Variants in CPAP observed in about 807,000 individuals in gnomAD.
The protein encoded by CPAP is centrosomal P4.1-associated protein.
chr13:24,894,906 A>T, the CPAP span, among the ~76,000 whole-genome samples: 2 of 152,084 alleles, frequency 1.3e-5, no homozygotes, highest in Non-Finnish European at 2.9e-5. Flanking sequence ...GACAGACGGG[A>T]GAGGAGCCGG....
the CPAP span, among the ~76,000 whole-genome samples, chr13:24,890,656 G>C: frequency 6.6e-6 from 1 of 152,176 alleles, no homozygotes; most frequent in Non-Finnish European, 1.5e-5. Flanking sequence ...GTTGGCCCAG[G>C]TACAGCCACG....
chr13:24,883,402 A>C, the CPAP span: 1 of 1,482,046 alleles, frequency 6.7e-7, no homozygotes, highest in Non-Finnish European at 9.2e-7. Context: ...GATTTCTTAA[A>C]AAAAAAATAA....
At chr13:24,885,519 G>A in the CPAP span, 96,865 of 1,214,488 alleles carry the variant, frequency 0.08, 4,957 homozygotes, top group East Asian at 0.2. Flanking sequence ...TTTTTTACAC[G>A]TGGTTTAGAA....
the CPAP span, chr13:24,882,976 A>AGAC: frequency 1.7e-6 from 1 of 587,852 alleles, no homozygotes; most frequent in South Asian, 2.0e-5. Context: ...GTCTATTGAA[A>AGAC]GACAGGGTAG....
At chr13:24,932,924 C>T in the CPAP span, 2 of 837,864 alleles carry the variant, frequency 2.4e-6, no homozygotes, top group South Asian at 1.6e-5. Context: ...CTAATTTTTC[C>T]AGTTTGTATG....
chr13:24,932,063 TC>T, the CPAP span, among the ~76,000 whole-genome samples: 420 of 152,308 alleles, frequency 2.8e-3, 2 homozygotes, highest in African/African-American at 9.7e-3. Flanking sequence ...CGCTGCGCTC[TC>T]CGAGTGCGAG....
At chr13:24,914,901 C>T in the CPAP span, among the ~76,000 whole-genome samples, 7 of 151,940 alleles carry the variant, frequency 4.6e-5, no homozygotes, top group African/African-American at 1.5e-4. Context: ...GGTGAAACCC[C>T]GTTTCTAATA....
the CPAP span, among the ~76,000 whole-genome samples, chr13:24,911,538 T>C: frequency 6.6e-6 from 1 of 152,104 alleles, no homozygotes; most frequent in Non-Finnish European, 1.5e-5. Context: ...TTTCTTCTAT[T>C]GGACCTTTTT....
At chr13:24,909,784 G>C in the CPAP span, 2 of 1,607,980 alleles carry the variant, frequency 1.2e-6, no homozygotes, top group Non-Finnish European at 1.7e-6. Flanking sequence ...AACATAAGTA[G>C]CTCACCTGTA....
chr13:24,889,774 G>A, the CPAP span, among the ~76,000 whole-genome samples: 3 of 152,024 alleles, frequency 2.0e-5, no homozygotes, highest in Non-Finnish European at 4.4e-5. Context: ...CAGTCCAGCT[G>A]AGCCCAGTTC....
the CPAP span, chr13:24,885,786 TA>T: frequency 1.3e-6 from 1 of 749,326 alleles, no homozygotes; most frequent in African/African-American, 1.8e-5. Context: ...ATCCATTAGT[TA>T]AGGATGTCTT....
At chr13:24,889,508 T>C in the CPAP span, 1 of 790,254 alleles carries the variant, frequency 1.3e-6, no homozygotes, top group Non-Finnish European at 2.1e-6. Context: ...GGGTTTTGTT[T>C]ATTCATATTG....
the CPAP span, among the ~76,000 whole-genome samples, chr13:24,923,826 T>A: frequency 2.6e-5 from 4 of 152,190 alleles, no homozygotes; most frequent in East Asian, 7.7e-4. Flanking sequence ...TTTTCTTTTC[T>A]TTTTTTAATT....
chr13:24,904,143 A>G, the CPAP span: 1 of 1,437,226 alleles, frequency 7.0e-7, no homozygotes, highest in South Asian at 1.2e-5. Context: ...CTAAGAGCCA[A>G]GAATATGGCA....
At chr13:24,910,016 T>C in the CPAP span, 1 of 1,613,902 alleles carries the variant, frequency 6.2e-7, no homozygotes, top group Non-Finnish European at 8.5e-7. Flanking sequence ...AGCATGTGGC[T>C]CTCTCTCCAG....
At chr13:24,911,267 C>G in the CPAP span, among the ~76,000 whole-genome samples, 1 of 152,314 alleles carries the variant, frequency 6.6e-6, no homozygotes, top group South Asian at 2.1e-4. Context: ...TTTACTACTA[C>G]AGAGTGTGGT....
chr13:24,923,119 T>TTA, the CPAP span, among the ~76,000 whole-genome samples: 1 of 152,174 alleles, frequency 6.6e-6, no homozygotes, highest in Non-Finnish European at 1.5e-5. Context: ...GCTCCCACAC[T>TTA]TAGAAAACTA....
At chr13:24,927,791 GC>G in the CPAP span, among the ~76,000 whole-genome samples, 2 of 152,190 alleles carry the variant, frequency 1.3e-5, no homozygotes, top group East Asian at 3.8e-4. Flanking sequence ...CTTACTGGCA[GC>G]CCCAACGGAG....
chr13:24,925,173 C>T, the CPAP span, among the ~76,000 whole-genome samples: 1 of 152,124 alleles, frequency 6.6e-6, no homozygotes, highest in Non-Finnish European at 1.5e-5. Flanking sequence ...ACAGGGGTCT[C>T]ACTCTGTTGC....
Sources: gnomAD v4.1 joint callset for allele counts (sites outside exome capture counted in the v4.1 genomes callset) on GRCh38, gnomAD v4.1.1 for gene constraint, MANE v1.5 for transcripts, NCBI Gene and HGNC (gene_info 2026-07-23, HGNC 2026-07-21) for gene names.